Variants in RIBC2 observed in about 807,000 individuals in gnomAD.
The protein encoded by RIBC2 is RIB43A domain with coiled-coils 2.
RIBC2 carries 40 observed loss-of-function variants against 44.3 expected under a neutral mutation model. The observed-to-expected ratio is 0.90, with a 90% CI of 0.70 to 1.18. The LOEUF is 1.18. RIBC2 is among the 50% of genes most tolerant of loss of function. The pLI is 0.00. For synonymous variants in RIBC2, 171 were observed against 175.0 expected, an observed-to-expected ratio of 0.98 and a Z score of 0.18; for missense variants, 459 against 485.5, an observed-to-expected ratio of 0.95 and a Z score of 0.51.
At chr22:45,421,577 T>A (rs1392166601) in intron 3 of RIBC2, among the ~76,000 whole-genome samples, 4 of 141,638 alleles carry the variant, frequency 2.8e-5, no homozygotes, top group African/African-American at 5.4e-5. Context: ...AATAATAGTA[T>A]TATTAATAAT....
rs768256982 is a variant in RIBC2 at position 45,427,752 on chromosome 22, A to G, written c.903+1577A>G. ...TGAGTTCAAGCGATTCTCCTGCCTC[A>G]GCCTCCCCAGTAGTTGGGATTACAG... On this transcript the variant is annotated intron_variant, in intron 5 of 6. Coordinates refer to ENST00000614167, the MANE Select transcript of RIBC2 (RefSeq NM_015653.5). 2.0e-5 allele frequency among the ~76,000 whole-genome samples: 3 copies of G among 152,348 alleles called. 1 individual carries two copies. The highest frequency in any genetic ancestry group is 4.1e-4 in the South Asian group (2 of 4,822).
chr22:45,432,304 T>C lies in RIBC2; in HGVS notation c.1091T>C (p.Val364Ala), dbSNP rs2087588087. 6.3e-7 allele frequency: 1 copy of C among 1,585,534 alleles called. No individual in the cohort carries two copies. Among genetic ancestry groups the C allele is most frequent in the Non-Finnish European group, 8.6e-7 (1 of 1,158,094 alleles). ...QHLQKKYMNEVYTNQPTGDYF... is the reference protein window; with the variant it reads ...QHLQKKYMNEAYTNQPTGDYF... ...ATCAGGAAAAAATATATGAATGAAG[T>C]CTATACAAATCAACCCACGGGAGAC... Residue 364 changes from valine (V) to alanine (A), a missense_variant, in exon 7 of 7, where the codon GTC becomes GCC. By Grantham distance (64) the Val-to-Ala change is moderately conservative. Coordinates refer to ENST00000614167, the MANE Select transcript of RIBC2 (RefSeq NM_015653.5).
chr22:45,420,238 C>T (rs988404567), intron 3 of RIBC2, among the ~76,000 whole-genome samples: 4 of 152,168 alleles, frequency 2.6e-5, no homozygotes, highest in African/African-American at 9.7e-5. Flanking sequence ...ACTTCTGCCT[C>T]AGGGCCTTTG....
intron 2 of RIBC2, among the ~76,000 whole-genome samples, chr22:45,416,760 G>A (rs1051747464): frequency 6.6e-5 from 10 of 151,116 alleles, no homozygotes; most frequent in South Asian, 2.1e-4. Flanking sequence ...ATGCCTGGCC[G>A]CAAATGAGAG....
intron 3 of RIBC2, among the ~76,000 whole-genome samples, chr22:45,420,122 G>T (rs1471032193): frequency 1.3e-5 from 2 of 152,070 alleles, no homozygotes; most frequent in Non-Finnish European, 2.9e-5. Flanking sequence ...TTTTTTCAGA[G>T]ACCTACAACG....
In RIBC2 at chr22:45,413,842, C is replaced by A; in HGVS notation, c.-45C>A. 1 of 1,508,774 alleles carries A rather than the reference C, an allele frequency of 6.6e-7. No individual in the cohort carries two copies. The allele number at this position is 1,508,774 out of a possible 1,614,324, so 93.5% of individuals were successfully genotyped here. ...GCTACAGCTTCCTTATTTTCGTCGC[C>A]TGTTCTCCTGATCCTGCGTGTTCTA... On this transcript the variant is annotated 5_prime_UTR_variant, in exon 1 of 7. The change creates a new upstream start codon in the 5' untranslated region. Transcript: ENST00000614167.
chr22:45,422,175 T>C, intron 3 of RIBC2, 115 bp from the exon 4 acceptor site: 3 of 735,484 alleles, frequency 4.1e-6, no homozygotes, highest in Middle Eastern at 3.7e-4. Flanking sequence ...TCATTATTGT[T>C]CCCGTCCTCA....
In RIBC2 at chr22:45,417,868, C is replaced by T. The variant is rs774959397; in HGVS notation, c.478C>T (p.Gln160Ter). The change falls in exon 3 of 7, where the codon CAA becomes TAA. Residue 160 changes from glutamine (Q) to a stop codon, truncating the protein, a stop_gained. Coordinates refer to ENST00000614167, the MANE Select transcript of RIBC2 (RefSeq NM_015653.5). LOFTEE classifies it high-confidence loss of function. ...DLNFHERKKF[Q>*]EEQNREWSLQ... ...AAACTTCCATGAGAGGAAGAAATTC[C>T]AAGAGGAACAAAACAGAGAATGGTC... 39 of 1,613,772 alleles carry T rather than the reference C, an allele frequency of 2.4e-5. No individual in the cohort carries two copies. The East Asian group carries it at 7.4e-4, about 30-fold the overall frequency.
intron 1 of RIBC2, 73 bp from the exon 2 acceptor site, chr22:45,414,243 AAATAAT>A: frequency 1.3e-6 from 2 of 1,509,466 alleles, no homozygotes; most frequent in Non-Finnish European, 1.8e-6. Flanking sequence ...CAGAGATTAA[AAATAAT>A]AATAAGTAGG....
chr22:45,423,326 G>A (rs1019009990), intron 4 of RIBC2, among the ~76,000 whole-genome samples: 1 of 151,710 alleles, frequency 6.6e-6, no homozygotes, highest in Non-Finnish European at 1.5e-5. Context: ...CCCCCACAAG[G>A]TTTTCTTTTC....
intron 2 of RIBC2, among the ~76,000 whole-genome samples, chr22:45,414,681 C>T (rs1386344696): frequency 1.3e-5 from 2 of 152,116 alleles, no homozygotes; most frequent in African/African-American, 2.4e-5. Context: ...TTTTCACACT[C>T]TTCTTCCTTT....
In RIBC2 at chr22:45,417,846, C is replaced by T; in HGVS notation, c.456C>T (p.Asn152=). 1.9e-6 allele frequency: 3 copies of T among 1,614,146 alleles called. No individual in the cohort carries two copies. The highest frequency in any genetic ancestry group is 2.5e-6 in the Non-Finnish European group (3 of 1,180,028). ...GMQKFMGEDL[N]FHERKKFQEE... ...AGAAATTCATGGGAGAGGATTTAAACTTCCATGAGAGGAAGAAATTCCAAG... is the reference window on the plus strand; with the variant it reads ...AGAAATTCATGGGAGAGGATTTAAATTTCCATGAGAGGAAGAAATTCCAAG... The change falls in exon 3 of 7, where the codon AAC becomes AAT. Residue 152 remains asparagine, a synonymous_variant. Coordinates refer to ENST00000614167, the MANE Select transcript of RIBC2 (RefSeq NM_015653.5).
chr22:45,421,613 A>G (rs1569209021), intron 3 of RIBC2, among the ~76,000 whole-genome samples: 1 of 146,686 alleles, frequency 6.8e-6, no homozygotes, highest in Non-Finnish European at 1.5e-5. Context: ...AATAATAATA[A>G]TGTTATTATT....
chr22:45,420,016 T>A (rs2087462866), intron 3 of RIBC2, among the ~76,000 whole-genome samples: 1 of 152,124 alleles, frequency 6.6e-6, no homozygotes, highest in Non-Finnish European at 1.5e-5. Context: ...AGAGTGAGAC[T>A]CCATCTGAAA....
chr22:45,417,587 C>T lies in RIBC2; in HGVS notation c.212-15C>T. On this transcript the variant is annotated splice_polypyrimidine_tract_variant and intron_variant, in intron 2 of 6. Transcript: ENST00000614167. ...TCTGAATCCTAAGCTTATGGATATGCTGTATCTCTTCCAGCTGCTGAAATG... is the reference window on the plus strand; with the variant it reads ...TCTGAATCCTAAGCTTATGGATATGTTGTATCTCTTCCAGCTGCTGAAATG... 2 of 1,579,514 alleles carry T rather than the reference C, an allele frequency of 1.3e-6. No homozygotes were observed. The highest frequency in any genetic ancestry group is 1.1e-5 in the South Asian group (1 of 90,182).
At chr22:45,424,507 C>A (rs1447676294) in intron 4 of RIBC2, among the ~76,000 whole-genome samples, 2 of 152,250 alleles carry the variant, frequency 1.3e-5, no homozygotes, top group African/African-American at 4.8e-5. Context: ...TGTGCTAACC[C>A]TTGCTGGGAT....
At chr22:45,425,147 A>AC (rs1390179342) in intron 4 of RIBC2, among the ~76,000 whole-genome samples, 4 of 152,050 alleles carry the variant, frequency 2.6e-5, no homozygotes, top group Admixed American at 6.5e-5. Flanking sequence ...AAACAAACAA[A>AC]AAAAAACGGG....
At position 45,431,205 on chromosome 22, in the gene RIBC2, G is replaced by A. The variant is rs1342041735; in HGVS notation, c.1070+139G>A. 8 of 1,059,688 alleles carry A rather than the reference G, an allele frequency of 7.5e-6. No homozygotes were observed. In the East Asian group the frequency reaches 1.3e-4, roughly 18 times the overall value. The allele number at this position is 1,059,688 out of a possible 1,614,324, so 65.6% of individuals were successfully genotyped here. A position where few individuals can be genotyped will look rare whatever the true frequency, so the allele number is the denominator to read the frequency against. On this transcript the variant is annotated intron_variant, in intron 6 of 6. Transcript: ENST00000614167. ...CTCATCTGGACACTGTGGACCTCAA[G>A]TGGGCTGGCTTGGGTTGACAGACCC...
intron 4 of RIBC2, among the ~76,000 whole-genome samples, chr22:45,425,590 A>G (rs1166603412): frequency 6.6e-6 from 1 of 152,212 alleles, no homozygotes; most frequent in East Asian, 1.9e-4. Flanking sequence ...CAGATGTCCA[A>G]GGGTTGCCAG....
Sources: gnomAD v4.1 joint callset for allele counts (sites outside exome capture counted in the v4.1 genomes callset) on GRCh38, gnomAD v4.1.1 for gene constraint, MANE v1.5 for transcripts, NCBI Gene and HGNC (gene_info 2026-07-23, HGNC 2026-07-21) for gene names.